The following ZNF469 variants were observed in gnomAD, a reference collection of about 807,000 sequenced individuals.
ZNF469 encodes the protein zinc finger protein 469.
ZNF469 carries 1 observed loss-of-function variant against 1.0 expected under a neutral mutation model. The observed-to-expected ratio is 1.00, with a 90% confidence interval of 0.35 to 4.73. The LOEUF is 4.73. Ranked by LOEUF, ZNF469 falls within the 30% of genes most tolerant of loss-of-function variation. ZNF469 has a pLI of 0.16. For synonymous variants in ZNF469, 2,703 were observed against 2,363.4 expected (o/e 1.14, Z -4.17); for missense variants, 6,100 against 5,356.3 (o/e 1.14, Z -4.33).
the ZNF469 span, among the ~76,000 whole-genome samples, chr16:88,321,123 A>T: frequency 5.3e-5 from 8 of 152,226 alleles, no homozygotes; most frequent in African/African-American, 1.9e-4. Flanking sequence ...TGGCCCGGGG[A>T]TGCCGCAGGG....
the ZNF469 span, among the ~76,000 whole-genome samples, chr16:88,310,079 G>A: frequency 6.6e-6 from 1 of 152,134 alleles, no homozygotes; most frequent in African/African-American, 2.4e-5. Context: ...GGGCGCTATG[G>A]GGAGCAGGGG....
At chr16:88,232,454 G>T in the ZNF469 span, among the ~76,000 whole-genome samples, 1 of 152,154 alleles carries the variant, frequency 6.6e-6, no homozygotes, top group Non-Finnish European at 1.5e-5. Context: ...ACTTTCGGGG[G>T]TGTCCAGGCA....
At chr16:88,312,967 G>A in the ZNF469 span, among the ~76,000 whole-genome samples, 2 of 150,692 alleles carry the variant, frequency 1.3e-5, no homozygotes, top group African/African-American at 4.8e-5. Context: ...CTTAGTTCCA[G>A]AAATAATTGT....
chr16:88,429,330 A>G lies in ZNF469; in HGVS notation c.1860A>G (p.Ser620=). ...PMSSSPANPS[S]EESQLPGPLG... is the part of the protein sequence containing the mutation. ...CCAGCAGCCCAGCCAACCCCAGCTC[A>G]GAGGAAAGCCAGCTCCCCGGCCCCC... Residue 620 remains serine, a synonymous_variant, in exon 3 of 3, where the codon TCA becomes TCG. Transcript: ENST00000565624. The G allele has an allele frequency of 6.5e-7, 1 of 1,549,928 alleles. No individual in the cohort carries two copies. The highest frequency in any genetic ancestry group is 8.7e-7 in the Non-Finnish European group (1 of 1,146,850).
chr16:88,112,403 G>A, the ZNF469 span, among the ~76,000 whole-genome samples: 4 of 152,160 alleles, frequency 2.6e-5, no homozygotes, highest in African/African-American at 7.2e-5. Flanking sequence ...TCCCACCAAC[G>A]GGGTACGAGG....
At chr16:88,197,550 C>T in the ZNF469 span, among the ~76,000 whole-genome samples, 1 of 152,346 alleles carries the variant, frequency 6.6e-6, no homozygotes, top group African/African-American at 2.4e-5. Context: ...AAAGCCCTTG[C>T]CCATTGTATT....
At chr16:88,332,425 T>A in the ZNF469 span, among the ~76,000 whole-genome samples, 3 of 152,174 alleles carry the variant, frequency 2.0e-5, no homozygotes, top group African/African-American at 7.2e-5. Context: ...CTGTGCCGGC[T>A]CTCCTGGCAG....
the ZNF469 span, among the ~76,000 whole-genome samples, chr16:88,140,246 G>A: frequency 2.4e-4 from 37 of 151,576 alleles, no homozygotes; most frequent in African/African-American, 9.1e-4. Flanking sequence ...AGCTGTAAGA[G>A]AGCTGGTAAG....
intron 1 of ZNF469, among the ~76,000 whole-genome samples, chr16:88,417,147 C>T (rs1213225243): frequency 6.6e-6 from 1 of 152,180 alleles, no homozygotes; most frequent in Non-Finnish European, 1.5e-5. Context: ...AGGCCGAGAG[C>T]AAGGCCCCCA....
the ZNF469 span, among the ~76,000 whole-genome samples, chr16:88,330,745 G>A: frequency 9.2e-5 from 14 of 152,162 alleles, no homozygotes; most frequent in Non-Finnish European, 1.6e-4. Flanking sequence ...TCCTGCTGAG[G>A]CTGCACACTG....
the ZNF469 span, among the ~76,000 whole-genome samples, chr16:88,323,248 G>A: frequency 6.6e-6 from 1 of 152,174 alleles, no homozygotes; most frequent in African/African-American, 2.4e-5. Context: ...GGAGGCCTTG[G>A]TGGTGCAGTG....
At chr16:88,239,373 T>A in the ZNF469 span, among the ~76,000 whole-genome samples, 1 of 152,150 alleles carries the variant, frequency 6.6e-6, no homozygotes, top group Non-Finnish European at 1.5e-5. Context: ...TGAAAGCCAC[T>A]TATATAAAAG....
intron 1 of ZNF469, among the ~76,000 whole-genome samples, chr16:88,406,808 T>C (rs1198978059): frequency 6.6e-6 from 1 of 152,130 alleles, no homozygotes; most frequent in East Asian, 1.9e-4. Context: ...GTACTGTTAG[T>C]GTTTTGCTTT....
intron 1 of ZNF469, among the ~76,000 whole-genome samples, chr16:88,403,151 G>C (rs1053769623): frequency 1.3e-5 from 2 of 152,204 alleles, no homozygotes; most frequent in African/African-American, 4.8e-5. Flanking sequence ...GTGCGGTTGG[G>C]AGCTCGGGGC....
the ZNF469 span, among the ~76,000 whole-genome samples, chr16:88,203,160 C>T: frequency 6.6e-5 from 10 of 152,086 alleles, no homozygotes; most frequent in African/African-American, 1.9e-4. Flanking sequence ...TGGTGAAGGG[C>T]GAGTCCGGAG....
chr16:88,398,094 G>A (rs1904741477), intron 1 of ZNF469, among the ~76,000 whole-genome samples: 1 of 152,238 alleles, frequency 6.6e-6, no homozygotes, highest in African/African-American at 2.4e-5. Flanking sequence ...GCTGGAGGAG[G>A]TGACCTCTCT....
chr16:88,193,099 TTGATGGTGGTGGTGGTGA>T, the ZNF469 span, among the ~76,000 whole-genome samples: 33 of 13,800 alleles, frequency 2.4e-3, no homozygotes, highest in Middle Eastern at 0.028. Flanking sequence ...GGTGATGGTG[TTGATGGTGGTGGTGGTGA>T]TGGTGGTGGT....
the ZNF469 span, among the ~76,000 whole-genome samples, chr16:88,149,507 T>C: frequency 9.2e-5 from 14 of 152,266 alleles, no homozygotes; most frequent in South Asian, 1.7e-3. Context: ...GAACAACCCT[T>C]TCTGCTTCTC....
At chr16:88,128,236 C>T in the ZNF469 span, among the ~76,000 whole-genome samples, 123,781 of 151,592 alleles carry the variant, frequency 0.82, 51,204 homozygotes, top group Middle Eastern at 0.91. Flanking sequence ...GGCCACGTCG[C>T]CCAGAATGCA....
Sources: allele counts gnomAD v4.1 joint callset (sites outside exome capture counted in the v4.1 genomes callset), GRCh38; gene constraint gnomAD v4.1.1; transcripts MANE v1.5; gene names NCBI Gene and HGNC (gene_info 2026-07-23, HGNC 2026-07-21).